Variants in PALLD observed in about 807,000 individuals in gnomAD.
PALLD encodes the protein palladin, cytoskeletal associated protein.
PALLD carries 61 observed loss-of-function variants against 123.5 expected under a neutral mutation model. The observed-to-expected ratio is 0.49, with a 90% CI of 0.40 to 0.61. PALLD has a LOEUF of 0.61. Ranked by LOEUF, PALLD falls within the 20% of genes least tolerant of loss-of-function variation. The pLI is 0.00. For missense variants in PALLD, 1,273 were observed against 1,377.0 expected, an observed-to-expected ratio of 0.92 and a Z score of 1.20; for synonymous variants, 465 against 496.4, an observed-to-expected ratio of 0.94 and a Z score of 0.84.
chr4:168,620,060 G>A (rs746306865), intron 2 of PALLD, among the ~76,000 whole-genome samples: 16 of 152,176 alleles, frequency 1.1e-4, no homozygotes, highest in Non-Finnish European at 2.2e-4. Flanking sequence ...AGCAAAATCA[G>A]CTGACTCCAA....
intron 1 of PALLD, among the ~76,000 whole-genome samples, chr4:168,509,222 A>G (rs1762304639): frequency 6.6e-6 from 1 of 152,144 alleles, no homozygotes; most frequent in African/African-American, 2.4e-5. Context: ...CACTCTTATG[A>G]TTCCAAACAT....
chr4:168,832,005 T>C, intron 10 of PALLD: 3 of 985,386 alleles, frequency 3.0e-6, no homozygotes, highest in Non-Finnish European at 3.6e-6. Context: ...CGCCGGACTC[T>C]TATTTTGAAG....
At position 168,668,243 on chromosome 4, in the gene PALLD, G is replaced by A. The variant is rs755791932; in HGVS notation, c.962G>A (p.Cys321Tyr). The change falls in exon 3 of 22, where the codon TGT becomes TAT. Residue 321 changes from cysteine (C) to tyrosine (Y), a missense_variant. By Grantham distance (194) the Cys-to-Tyr change is radical. This residue lies in a region of PALLD where 944 missense variants were observed against 954.5 expected (regional missense o/e 0.99). Coordinates refer to ENST00000505667, the MANE Select transcript of PALLD (RefSeq NM_001166108.2). ...AACACTCCTGATATTCAAATCCACT[G>A]TGAGGGAGGGGACCTCCATACCCTG... is the stretch of plus-strand genomic sequence containing the variant. ...LHNTPDIQIH[C>Y]EGGDLHTLII... 1.2e-6 allele frequency: 2 copies of A among 1,614,158 alleles called. No individual in the cohort carries two copies. Among genetic ancestry groups the A allele is most frequent in the East Asian group, 4.5e-5 (2 of 44,874 alleles).
intron 10 of PALLD, among the ~76,000 whole-genome samples, chr4:168,824,322 G>A (rs932860613): frequency 6.6e-6 from 1 of 151,710 alleles, no homozygotes; most frequent in African/African-American, 2.4e-5. Context: ...CTTTTTAAAT[G>A]ATATTCTAAA....
At chr4:168,664,769 G>GAAAA (rs11301858) in intron 2 of PALLD, among the ~76,000 whole-genome samples, 1 of 110,650 alleles carries the variant, frequency 9.0e-6, no homozygotes, top group African/African-American at 3.0e-5. Flanking sequence ...AGAGGAGGAG[G>GAAAA]AAAAAAAAAA....
chr4:168,573,553 G>T (rs1769214128), intron 2 of PALLD, among the ~76,000 whole-genome samples: 1 of 152,030 alleles, frequency 6.6e-6, no homozygotes, highest in South Asian at 2.1e-4. Flanking sequence ...TACCCTTCTG[G>T]TTTTTATTGG....
At chr4:168,831,987 C>A (rs1368749083) in intron 10 of PALLD, 3 of 985,428 alleles carry the variant, frequency 3.0e-6, no homozygotes, top group Non-Finnish European at 3.6e-6. Context: ...CTCTCCCGCC[C>A]GCCGCGCCGC....
chr4:168,917,531 CT>C (rs1428069982), intron 17 of PALLD, among the ~76,000 whole-genome samples: 2 of 152,052 alleles, frequency 1.3e-5, no homozygotes, highest in African/African-American at 4.8e-5. Context: ...TTTTTGCCCC[CT>C]GTTTACTGAT....
chr4:168,901,190 T>C (rs1251566010), intron 14 of PALLD, among the ~76,000 whole-genome samples: 1 of 152,232 alleles, frequency 6.6e-6, no homozygotes, highest in Non-Finnish European at 1.5e-5. Flanking sequence ...CTTTGGCATA[T>C]GCCATATAAA....
Position 168,924,312 on chromosome 4 carries a change from C to T in PALLD, c.3116C>T (p.Ala1039Val). Reference protein sequence around the residue: ...FIEKLQNTGVADGYPVRLECR... With the variant: ...FIEKLQNTGVVDGYPVRLECR... ...GAGAAGCTCCAAAACACAGGAGTTGCTGATGGGTACCCAGTGCGGCTGGAA... is the reference window on the plus strand; with the variant it reads ...GAGAAGCTCCAAAACACAGGAGTTGTTGATGGGTACCCAGTGCGGCTGGAA... Residue 1039 changes from alanine to valine, a missense_variant, in exon 19 of 22, where the codon GCT (alanine) becomes GTT (valine). Around this residue, in one of 2 missense-constraint regions of PALLD, gnomAD observed 329 missense variants for 422.5 expected, o/e 0.78. Transcript: ENST00000505667. The T allele has an allele frequency of 6.2e-7, 1 of 1,613,876 alleles. No individual in the cohort carries two copies. The highest frequency in any genetic ancestry group is 1.3e-5 in the African/African-American group (1 of 75,016).
At position 168,683,055 on chromosome 4, in the gene PALLD, A is replaced by G. The variant is rs1261868319; in HGVS notation, c.1212A>G (p.Thr404=). The change falls in exon 5 of 22, where the codon ACA becomes ACG. Residue 404 remains threonine (T), a synonymous_variant. Coordinates refer to ENST00000505667, the MANE Select transcript of PALLD (RefSeq NM_001166108.2). ...CAATAGGATCATCATCTCCAAAGAC[A>G]GGGGTGACCACAGCTGTGATTCAAC... The part of the protein sequence containing the change: ...SLTIGSSSPK[T]GVTTAVIQPL... 6 of 1,613,090 alleles carry G rather than the reference A, an allele frequency of 3.7e-6. No individual in the cohort carries two copies. Among genetic ancestry groups the G allele is most frequent in the South Asian group, 1.1e-5 (1 of 91,014 alleles).
At chr4:168,527,725 A>G (rs1051356236) in intron 2 of PALLD, among the ~76,000 whole-genome samples, 2 of 151,322 alleles carry the variant, frequency 1.3e-5, no homozygotes, top group African/African-American at 4.9e-5. Flanking sequence ...TCCTCTTCCC[A>G]CTCTTCTCCA....
intron 3 of PALLD, chr4:168,678,129 G>A (rs994127989): frequency 3.9e-5 from 6 of 152,132 alleles, no homozygotes; most frequent in East Asian, 1.9e-4. Flanking sequence ...TGGAGGTCAC[G>A]TGGTGTGGGG....
rs565257589 is a variant in PALLD at position 168,791,256 on chromosome 4, A to G, written c.1964+79333A>G. 2.3e-3 allele frequency among the ~76,000 whole-genome samples: 353 copies of G among 152,270 alleles called. 3 individuals carry two copies. The highest frequency in any genetic ancestry group is 0.01 in the Middle Eastern group (3 of 294). Reference sequence around the variant, plus strand: ...CCTCTGCAGAATAGTCCTTTCTCCAAAATGATCCCTCTTTTATTCCACCAC... The same window carrying G: ...CCTCTGCAGAATAGTCCTTTCTCCAGAATGATCCCTCTTTTATTCCACCAC... On this transcript the variant is annotated intron_variant, in intron 10 of 21. Coordinates refer to ENST00000505667, the MANE Select transcript of PALLD (RefSeq NM_001166108.2).
At position 168,900,660 on chromosome 4, in the gene PALLD, A is replaced by G. The variant is rs528283754; in HGVS notation, c.2472+1946A>G. Among the ~76,000 whole-genome samples the G allele has an allele frequency of 3.3e-5, 5 of 152,304 alleles. No individual in the cohort carries two copies. In the East Asian group the frequency reaches 7.7e-4, roughly 24 times the overall value. ...AACTGAATCGCAACGCCAAAGTCAAAGATCAAAGAAAAGAGCCTTGAATTT... is the reference window on the plus strand; with the variant it reads ...AACTGAATCGCAACGCCAAAGTCAAGGATCAAAGAAAAGAGCCTTGAATTT... On this transcript the variant is annotated intron_variant, in intron 14 of 21. Coordinates refer to ENST00000505667, the MANE Select transcript of PALLD (RefSeq NM_001166108.2).
At chr4:168,616,984 A>G (rs1450610635) in intron 2 of PALLD, among the ~76,000 whole-genome samples, 1 of 152,190 alleles carries the variant, frequency 6.6e-6, no homozygotes, top group African/African-American at 2.4e-5. Context: ...ATGGAGATGC[A>G]AGCATAAGTG....
chr4:168,675,589 A>T (rs1421453985), intron 3 of PALLD, among the ~76,000 whole-genome samples: 7 of 152,238 alleles, frequency 4.6e-5, no homozygotes, highest in African/African-American at 1.7e-4. Context: ...ATGGTATTTT[A>T]TGATGGCTCT....
rs59486484 is a variant in PALLD at position 168,748,590 on chromosome 4, G to A, written c.1964+36667G>A. 6.2e-3 allele frequency among the ~76,000 whole-genome samples: 949 copies of A among 152,278 alleles called. 12 individuals are homozygous for A. Among genetic ancestry groups the A allele is most frequent in the African/African-American group, 0.022 (894 of 41,542 alleles). On this transcript the variant is annotated intron_variant, in intron 10 of 21. Coordinates refer to ENST00000505667, the MANE Select transcript of PALLD (RefSeq NM_001166108.2). ...CTGTGGATCAGGAATCCAAGCATAG[G>A]TTAGCTGGGTCCTCTGCTTTGAGTC...
intron 2 of PALLD, among the ~76,000 whole-genome samples, chr4:168,524,747 G>A (rs1249948319): frequency 6.6e-6 from 1 of 152,010 alleles, no homozygotes; most frequent in African/African-American, 2.4e-5. Flanking sequence ...TCCTTCCATT[G>A]CCCCCAGACA....
Sources: allele counts gnomAD v4.1 joint callset (sites outside exome capture counted in the v4.1 genomes callset), GRCh38; gene constraint gnomAD v4.1.1; regional missense constraint gnomAD v4.1.1; transcripts MANE v1.5; gene names NCBI Gene and HGNC (gene_info 2026-07-23, HGNC 2026-07-21).